The following RRH variants were observed in gnomAD, a reference collection of about 807,000 sequenced individuals.
The protein encoded by RRH is visual pigment-like receptor peropsin.
A neutral mutation model predicts 33.1 loss-of-function variants in RRH; 36 were observed. The observed-to-expected ratio is 1.09, with a 90% CI of 0.83 to 1.44. The LOEUF (loss-of-function observed/expected upper bound fraction) is 1.44, where lower values mean the gene tolerates loss of function less well. Ranked by LOEUF, RRH falls within the 40% of genes most tolerant of loss-of-function variation. The probability of loss-of-function intolerance (pLI) is 0.00; values close to 1 mark genes in which losing one functional copy is unlikely to be tolerated. For missense variants in RRH, 393 were observed against 420.2 expected, an observed-to-expected ratio of 0.94 and a Z score of 0.57; for synonymous variants, 124 against 140.2, an observed-to-expected ratio of 0.88 and a Z score of 0.82.
At chr4:109,835,652 G>C (rs1043176434) in intron 3 of RRH, among the ~76,000 whole-genome samples, 187 bp downstream of exon 3, 1 of 152,024 alleles carries the variant, frequency 6.6e-6, no homozygotes. Flanking sequence ...ATTTCATAAG[G>C]CTATTCACAC....
intron 1 of RRH, among the ~76,000 whole-genome samples, chr4:109,828,360 TAGTGATGGCC>T (rs140672748): frequency 0.011 from 1,704 of 152,184 alleles, 41 homozygotes; most frequent in African/African-American, 0.039. Flanking sequence ...AAAGCATTGT[TAGTGATGGCC>T]ATTGCCACAG....
chr4:109,842,736 C>G (rs141848301), intron 6 of RRH, 89 bp downstream of exon 6: 8 of 1,163,528 alleles, frequency 6.9e-6, no homozygotes, highest in Admixed American at 1.8e-5. Flanking sequence ...GACAGAAACC[C>G]ACTTCAATCT....
rs1405819546 is a variant in RRH at position 109,828,064 on chromosome 4, A to G, written c.37A>G (p.Lys13Glu). ...TAATTTAGGCAACAGTTCAGACTCT[A>G]AAAATGAAGATGGCTCGGTCTTTTC... ...RNNLGNSSDS[K>E]NEDGSVFSQT... is the part of the protein sequence containing the mutation. Residue 13 changes from lysine (K) to glutamate (E), a missense_variant, in exon 1 of 7, where the codon AAA (lysine) becomes GAA (glutamate). Coordinates refer to ENST00000317735, the MANE Select transcript of RRH (RefSeq NM_006583.5). 2 of 1,612,642 alleles carry G rather than the reference A, an allele frequency of 1.2e-6. No individual in the cohort carries two copies. Among genetic ancestry groups the G allele is most frequent in the Non-Finnish European group, 1.7e-6 (2 of 1,178,782 alleles).
At chr4:109,841,048 T>C (rs1247012131) in intron 5 of RRH, among the ~76,000 whole-genome samples, 3 of 152,202 alleles carry the variant, frequency 2.0e-5, no homozygotes, top group African/African-American at 4.8e-5. Flanking sequence ...CTCAGTGAAT[T>C]CTAGCACAGG....
chr4:109,839,948 T>C (rs1054308698), intron 5 of RRH, among the ~76,000 whole-genome samples: 1 of 152,238 alleles, frequency 6.6e-6, no homozygotes, highest in Non-Finnish European at 1.5e-5. Context: ...TGTGTCTTTA[T>C]AATACAATGA....
intron 1 of RRH, among the ~76,000 whole-genome samples, chr4:109,831,887 G>C (rs1733762026): frequency 6.6e-6 from 1 of 152,096 alleles, no homozygotes; most frequent in Non-Finnish European, 1.5e-5. Context: ...CAGAAGCAAG[G>C]AGAGGAAAAG....
Position 109,828,132 on chromosome 4 carries a change from AG to A in RRH, c.106+1del, listed in dbSNP as rs752204777. The part of the protein sequence containing the change: ...NIVATYLIMA[G>X]MISIISNIIV... ...TTGTTGCAACTTACTTGATTATGGCAGGTATGGATATTTAAGTAAGTTATTT... is the reference window on the plus strand; with the variant it reads ...TTGTTGCAACTTACTTGATTATGGCAGTATGGATATTTAAGTAAGTTATTT... On this transcript the variant is annotated frameshift_variant and splice_region_variant, in exon 1 of 7. Transcript: ENST00000317735. LOFTEE classifies it high-confidence loss of function. 10 of 1,589,796 alleles carry A rather than the reference AG, an allele frequency of 6.3e-6. No individual in the cohort carries two copies. Among genetic ancestry groups the A allele is most frequent in the East Asian group, 2.2e-5 (1 of 44,674 alleles).
intron 5 of RRH, among the ~76,000 whole-genome samples, chr4:109,839,223 A>G (rs542125148): frequency 1.3e-5 from 2 of 151,468 alleles, no homozygotes; most frequent in African/African-American, 4.9e-5. Flanking sequence ...AGCACCAAAA[A>G]ACTCATTAAT....
chr4:109,837,651 C>G, intron 5 of RRH, 46 bp downstream of exon 5: 1 of 1,503,820 alleles, frequency 6.6e-7, no homozygotes. Flanking sequence ...GGAGCTTTTA[C>G]CCACTCATAG....
rs1733798210 is a variant in RRH, at chr4:109,833,232, T to C, written c.200T>C (p.Leu67Pro). The stretch of plus-strand genomic sequence containing the variant: ...CCCACAAATGCAATTATTATTAACC[T>C]GGCTGTTACTGATATAGGGGTCAGT... ...RTPTNAIIIN[L>P]AVTDIGVSSI... The change falls in exon 2 of 7, where the codon CTG (leucine) becomes CCG (proline). Residue 67 changes from leucine to proline, a missense_variant. By Grantham distance (98) the Leu-to-Pro change is moderately conservative. Coordinates refer to ENST00000317735, the MANE Select transcript of RRH (RefSeq NM_006583.5). The C allele has an allele frequency of 6.2e-7, 1 of 1,613,536 alleles. No individual in the cohort carries two copies. Among genetic ancestry groups the C allele is most frequent in the Non-Finnish European group, 8.5e-7 (1 of 1,179,572 alleles).
Position 109,833,237 on chromosome 4 carries a change from G to A in RRH, c.205G>A (p.Val69Ile), listed in dbSNP as rs756081689. 10 of 1,613,844 alleles carry A rather than the reference G, an allele frequency of 6.2e-6. No homozygotes were observed. The East Asian group carries it at 2.2e-4, about 36-fold the overall frequency. ...PTNAIIINLA[V>I]TDIGVSSIGY... ...AAATGCAATTATTATTAACCTGGCT[G>A]TTACTGATATAGGGGTCAGTAGCAT... Residue 69 changes from valine (V) to isoleucine (I), a missense_variant, in exon 2 of 7, where the codon GTT (valine) becomes ATT (isoleucine). Coordinates refer to ENST00000317735, the MANE Select transcript of RRH (RefSeq NM_006583.5).
At chr4:109,834,039 A>C (rs1433970153) in intron 2 of RRH, among the ~76,000 whole-genome samples, 1 of 152,186 alleles carries the variant, frequency 6.6e-6, no homozygotes, top group African/African-American at 2.4e-5. Flanking sequence ...TGCCATCTTC[A>C]ATCTTATTCC....
chr4:109,831,581 C>A (rs1455063058), intron 1 of RRH, among the ~76,000 whole-genome samples: 2 of 151,964 alleles, frequency 1.3e-5, no homozygotes, highest in African/African-American at 4.8e-5. Flanking sequence ...GGCTTAGGGG[C>A]TTGAACTGAA....
At chr4:109,836,278 T>G in intron 4 of RRH, 118 bp downstream of exon 4, 2 of 1,027,890 alleles carry the variant, frequency 1.9e-6, no homozygotes, top group Non-Finnish European at 3.0e-6. Context: ...AGCACTTCCC[T>G]GGTAGTGATG....
At chr4:109,839,963 T>C (rs2125894107) in intron 5 of RRH, among the ~76,000 whole-genome samples, 1 of 152,362 alleles carries the variant, frequency 6.6e-6, no homozygotes, top group African/African-American at 2.4e-5. Flanking sequence ...CAATGATTTA[T>C]ATTCCTTTGG....
rs113296408 is a variant in RRH at position 109,835,216 on chromosome 4, C to T, written c.298-150C>T. 2.3e-3 allele frequency: 1,423 copies of T among 628,270 alleles called. 12 individuals carry two copies. In the African/African-American group the frequency reaches 0.023, roughly 10 times the overall value. The allele number at this position is 628,270 out of a possible 1,614,324, so 38.9% of individuals were successfully genotyped here. ...CTTTCCATAAATTCTTTTATTAAAC[C>T]AGTTATAATTTGACAATGAAGATGT... On this transcript the variant is annotated intron_variant, in intron 2 of 6. Coordinates refer to ENST00000317735, the MANE Select transcript of RRH (RefSeq NM_006583.5).
chr4:109,840,065 G>C (rs896787310), intron 5 of RRH, among the ~76,000 whole-genome samples: 31 of 152,146 alleles, frequency 2.0e-4, no homozygotes, highest in African/African-American at 6.5e-4. Flanking sequence ...CACAATGGTT[G>C]AACTAAGTTA....
At chr4:109,834,595 G>A (rs1274627166) in intron 2 of RRH, among the ~76,000 whole-genome samples, 6 of 150,052 alleles carry the variant, frequency 4.0e-5, no homozygotes, top group Non-Finnish European at 1.5e-5. Flanking sequence ...CTCCCACCTC[G>A]GCCTCCCAAA....
At chr4:109,837,088 A>T (rs1218037502) in intron 4 of RRH, among the ~76,000 whole-genome samples, 1 of 152,050 alleles carries the variant, frequency 6.6e-6, no homozygotes, top group Non-Finnish European at 1.5e-5. Flanking sequence ...TTATGTCTTG[A>T]AAAGAATTAA....
Sources: gnomAD v4.1 joint callset for allele counts (sites outside exome capture counted in the v4.1 genomes callset) on GRCh38, gnomAD v4.1.1 for gene constraint, MANE v1.5 for transcripts, NCBI Gene and HGNC (gene_info 2026-07-23, HGNC 2026-07-21) for gene names.